The following UGT1A9 variants were observed in gnomAD, a reference collection of about 807,000 sequenced individuals.
UGT1A9 encodes the protein UDP-glucuronosyltransferase 1A9.
In UGT1A9, 35 loss-of-function variants were observed where a neutral mutation model predicts 45.0. That is an observed-to-expected ratio of 0.78 (90% confidence interval 0.59 to 1.03). The LOEUF is 1.03. Among genes scored for constraint, UGT1A9 ranks in the 50% least tolerant of loss-of-function variants. The probability of loss-of-function intolerance (pLI) is 0.00; values close to 1 mark genes in which losing one functional copy is unlikely to be tolerated. For missense variants in UGT1A9, 687 were observed against 666.6 expected, an observed-to-expected ratio of 1.03 and a Z score of -0.34; for synonymous variants, 278 against 250.6, an observed-to-expected ratio of 1.11 and a Z score of -1.03.
At chr2:233,768,582 CTTTTTTTTTT>C (rs139595073) in intron 4 of UGT1A9, 143 bp downstream of exon 4, 137,204 of 1,033,644 alleles carry the variant, frequency 0.13, 3,227 homozygotes, top group African/African-American at 0.2. Flanking sequence ...TTTATTTCTT[CTTTTTTTTTT>C]TTTTTTTTTT....
intron 1 of UGT1A9, among the ~76,000 whole-genome samples, chr2:233,727,353 T>A (rs2077608384): frequency 6.6e-6 from 1 of 152,150 alleles, no homozygotes; most frequent in Non-Finnish European, 1.5e-5. Flanking sequence ...AGTTCTGCTA[T>A]CCTTAGGGCC....
Position 233,772,346 on chromosome 2 carries a change from G to A in UGT1A9, c.1380G>A (p.Glu460=), listed in dbSNP as rs115944950. ...TGGACCTGGCCGTGTTCTGGGTGGA[G>A]TTTGTGATGAGGCACAAGGGCGCGC... The part of the protein sequence containing the change: ...EPLDLAVFWV[E]FVMRHKGAPH... Residue 460 remains glutamate, a synonymous_variant, in exon 5 of 5, where the codon GAG becomes GAA. Coordinates refer to ENST00000354728, the MANE Select transcript of UGT1A9 (RefSeq NM_021027.3). The A allele has an allele frequency of 6.2e-7, 1 of 1,614,250 alleles. No homozygotes were observed. Among genetic ancestry groups the A allele is most frequent in the African/African-American group, 1.3e-5 (1 of 75,066 alleles).
intron 1 of UGT1A9, among the ~76,000 whole-genome samples, chr2:233,761,487 C>T (rs1012485766): frequency 1.3e-5 from 2 of 152,232 alleles, no homozygotes; most frequent in East Asian, 1.9e-4. Flanking sequence ...GAAGCCTGCA[C>T]CTTGCCCTGG....
intron 1 of UGT1A9, among the ~76,000 whole-genome samples, chr2:233,731,521 G>T (rs1358049437): frequency 1.3e-5 from 2 of 152,162 alleles, no homozygotes; most frequent in African/African-American, 2.4e-5. Context: ...ACCTATGAGT[G>T]AGAACATGCG....
rs34946247 is a variant in UGT1A9 at position 233,761,682 on chromosome 2, A to G, written c.856-5352A>G. Among the ~76,000 whole-genome samples, 259 of 152,380 alleles carry G rather than the reference A, an allele frequency of 1.7e-3. 1 individual carries two copies. The highest frequency in any genetic ancestry group is 5.9e-3 in the African/African-American group (244 of 41,588). On this transcript the variant is annotated intron_variant, in intron 1 of 4. Coordinates refer to ENST00000354728, the MANE Select transcript of UGT1A9 (RefSeq NM_021027.3). Reference sequence around the variant, plus strand: ...AATCACCAGACAGTCAGGTTCTGACATGATACAGAAAGGTTGTAGGTTTCA... The same window carrying G: ...AATCACCAGACAGTCAGGTTCTGACGTGATACAGAAAGGTTGTAGGTTTCA...
At chr2:233,702,266 A>G (rs17862866) in intron 1 of UGT1A9, among the ~76,000 whole-genome samples, 87,251 of 152,024 alleles carry the variant, frequency 0.57, 27,041 homozygotes, top group African/African-American at 0.82. Flanking sequence ...AAATACATGA[A>G]TAGCTTTTTC....
chr2:233,772,116 AAACAAC>A, intron 4 of UGT1A9, 140 bp from the exon 5 acceptor site: 1 of 1,531,302 alleles, frequency 6.5e-7, no homozygotes, highest in Non-Finnish European at 8.8e-7. Context: ...CTGTATCTAA[AAACAAC>A]AACAACAACA....
chr2:233,684,222 C>T (rs1240713446), intron 1 of UGT1A9, among the ~76,000 whole-genome samples: 2 of 152,110 alleles, frequency 1.3e-5, no homozygotes, highest in Non-Finnish European at 2.9e-5. Flanking sequence ...GAAAATGCAA[C>T]CAAGCGCTTT....
intron 1 of UGT1A9, among the ~76,000 whole-genome samples, chr2:233,689,550 G>A (rs2074949714): frequency 6.6e-6 from 1 of 152,232 alleles, no homozygotes; most frequent in Non-Finnish European, 1.5e-5. Context: ...GCAGGTCATA[G>A]GTGAATTCAG....
At chr2:233,723,413 C>T (rs1262463739) in intron 1 of UGT1A9, among the ~76,000 whole-genome samples, 1 of 133,572 alleles carries the variant, frequency 7.5e-6, no homozygotes, top group Non-Finnish European at 1.6e-5. Flanking sequence ...TTTCACCATA[C>T]TGGTCAGGCT....
intron 1 of UGT1A9, among the ~76,000 whole-genome samples, chr2:233,673,388 T>C (rs1238988554): frequency 6.6e-6 from 1 of 152,202 alleles, no homozygotes; most frequent in Non-Finnish European, 1.5e-5. Context: ...AATATTGATA[T>C]AGATTTAGGC....
intron 1 of UGT1A9, chr2:233,740,822 C>A (rs1691482429): frequency 1.3e-5 from 2 of 151,840 alleles, no homozygotes; most frequent in Non-Finnish European, 2.9e-5. Flanking sequence ...TGTTTTTGAG[C>A]TGAGACATTT....
intron 1 of UGT1A9, among the ~76,000 whole-genome samples, chr2:233,681,516 G>A (rs2074526224): frequency 7.9e-6 from 1 of 126,814 alleles, no homozygotes; most frequent in South Asian, 2.7e-4. Flanking sequence ...GGATGACACA[G>A]TGAGACTCCA....
intron 1 of UGT1A9, among the ~76,000 whole-genome samples, chr2:233,710,797 C>T (rs544342575): frequency 6.6e-6 from 1 of 152,298 alleles, no homozygotes; most frequent in African/African-American, 2.4e-5. Context: ...GTGTTTTGTA[C>T]CCCTCGTGCC....
At position 233,743,803 on chromosome 2, in the gene UGT1A9, G is replaced by T. The variant is rs568702968; in HGVS notation, c.856-23231G>T. 2.2e-6 allele frequency: 3 copies of T among 1,367,298 alleles called. No homozygotes were observed. In the South Asian group the frequency reaches 3.4e-5, roughly 16 times the overall value. The allele number at this position is 1,367,298 out of a possible 1,614,324, so 84.7% of individuals were successfully genotyped here. A position where few individuals can be genotyped will look rare whatever the true frequency, so the allele number is the denominator to read the frequency against. On this transcript the variant is annotated intron_variant, in intron 1 of 4. Coordinates refer to ENST00000354728, the MANE Select transcript of UGT1A9 (RefSeq NM_021027.3). ...TGAATCTCCTCTCCGCTTCCTCCTT[G>T]TTCTCAGGGTTTTTGTCGGGGTGCC...
chr2:233,730,135 G>GA lies in UGT1A9; in HGVS notation c.856-36898dup, dbSNP rs1299530262. ...TCTCCTTGTCATAATAGCCTTCAGT[G>GA]AGATAAACTGTTAAGGGGTCTCTAG... On this transcript the variant is annotated intron_variant, in intron 1 of 4. Coordinates refer to ENST00000354728, the MANE Select transcript of UGT1A9 (RefSeq NM_021027.3). 3.8e-5 allele frequency: 58 copies of GA among 1,528,822 alleles called. No homozygotes were observed. In the African/African-American group the frequency reaches 8.0e-4, roughly 21 times the overall value. 94.7% of individuals were successfully genotyped at this position (1,528,822 alleles called of 1,614,324 possible).
At chr2:233,712,850 A>C in intron 1 of UGT1A9, 1 of 1,537,004 alleles carries the variant, frequency 6.5e-7, no homozygotes, top group Non-Finnish European at 8.8e-7. Flanking sequence ...AACGGGTAAT[A>C]AGTAACTGGA....
intron 1 of UGT1A9, chr2:233,690,982 A>G (rs1476120770): frequency 2.0e-6 from 2 of 996,858 alleles, no homozygotes; most frequent in Non-Finnish European, 2.4e-6. Context: ...CAGGACCCAC[A>G]TATGAGCAAC....
intron 1 of UGT1A9, among the ~76,000 whole-genome samples, chr2:233,684,577 C>T (rs2074685894): frequency 6.6e-6 from 1 of 152,090 alleles, no homozygotes; most frequent in South Asian, 2.1e-4. Context: ...AAATATGAAA[C>T]ATTGAGCCAT....
Sources: allele counts gnomAD v4.1 joint callset (sites outside exome capture counted in the v4.1 genomes callset), GRCh38; gene constraint gnomAD v4.1.1; transcripts MANE v1.5; gene names NCBI Gene and HGNC (gene_info 2026-07-23, HGNC 2026-07-21).